FOXP2: variants seen among roughly 807,000 people sequenced by gnomAD.
FOXP2 encodes the protein forkhead box P2, also known as forkhead box protein P2.
Under a neutral mutation model 115.8 loss-of-function variants are expected in FOXP2, and 12 were observed. The observed-to-expected ratio is 0.10, with a 90% CI of 0.07 to 0.17. The LOEUF (loss-of-function observed/expected upper bound fraction) is 0.17. Ranked by LOEUF, FOXP2 falls within the 10% of genes least tolerant of loss-of-function variation. FOXP2 has a pLI of 1.00. For synonymous variants in FOXP2, 328 were observed against 297.7 expected, an observed-to-expected ratio of 1.10 and a Z score of -1.05; for missense variants, 629 against 843.5, an observed-to-expected ratio of 0.75 and a Z score of 3.15.
At chr7:114,313,933 C>T (rs1394231307) in intron 2 of FOXP2, among the ~76,000 whole-genome samples, 2 of 151,872 alleles carry the variant, frequency 1.3e-5, no homozygotes, top group Non-Finnish European at 2.9e-5. Flanking sequence ...TTTTTTCAAA[C>T]TGAAAGTCTG....
At chr7:114,324,230 C>G (rs914853518) in intron 2 of FOXP2, among the ~76,000 whole-genome samples, 14 of 151,558 alleles carry the variant, frequency 9.2e-5, no homozygotes, top group Admixed American at 3.9e-4. Flanking sequence ...CTTCTTTGAC[C>G]ATATCCCAGT....
Position 114,249,998 on chromosome 7 carries a change from TC to T in FOXP2, c.-101-38019del, listed in dbSNP as rs1044065682. Among the ~76,000 whole-genome samples, 8 of 140,050 alleles carry T rather than the reference TC, an allele frequency of 5.7e-5. No individual in the cohort carries two copies. The South Asian group carries it at 1.0e-3, about 18-fold the overall frequency. 91.9% of individuals were successfully genotyped at this position (140,050 alleles called of 152,430 possible). A position where few individuals can be genotyped will look rare whatever the true frequency, so the allele number is the denominator to read the frequency against. ...GGTGTGTGATGTTCCCCTTCCTGTG[TC>T]CAAGTGTTCTCATTGTTCAATTACC... is the stretch of plus-strand genomic sequence containing the variant. On this transcript the variant is annotated intron_variant, in intron 1 of 17. Coordinates refer to the FOXP2 transcript ENST00000634411.
rs142777354 is a variant in FOXP2, at chr7:114,493,715, C to G, written c.169-40902C>G. Among the ~76,000 whole-genome samples the G allele has an allele frequency of 3.2e-4, 48 of 152,064 alleles. No individual in the cohort carries two copies. The East Asian group carries it at 8.9e-3, about 28-fold the overall frequency. The stretch of plus-strand genomic sequence containing the variant: ...TCACATACACACACACTCTTACACA[C>G]AAGTGGATTTACTAAAGAAAACTGA... On this transcript the variant is annotated intron_variant, in intron 2 of 16. Transcript: ENST00000350908.
chr7:114,542,797 T>G (rs1420675628), intron 3 of FOXP2, among the ~76,000 whole-genome samples: 1 of 124,028 alleles, frequency 8.1e-6, no homozygotes, highest in African/African-American at 4.6e-5. Flanking sequence ...GTTTTTTGTT[T>G]TTTTTTTTTT....
intron 2 of FOXP2, among the ~76,000 whole-genome samples, chr7:114,490,489 T>C (rs1796988238): frequency 6.6e-6 from 1 of 152,034 alleles, no homozygotes; most frequent in Non-Finnish European, 1.5e-5. Context: ...TATACTCTAA[T>C]GGTGGATGCA....
chr7:114,190,453 A>G (rs891600836), intron 1 of FOXP2, among the ~76,000 whole-genome samples: 1 of 152,164 alleles, frequency 6.6e-6, no homozygotes, highest in Non-Finnish European at 1.5e-5. Context: ...GCCTTCAGAC[A>G]CAGCCTGGGA....
chr7:114,581,980 T>C (rs1009038113), intron 3 of FOXP2, among the ~76,000 whole-genome samples: 2 of 152,100 alleles, frequency 1.3e-5, no homozygotes, highest in African/African-American at 2.4e-5. Flanking sequence ...AGATTACAAA[T>C]AGTATACATT....
intron 2 of FOXP2, among the ~76,000 whole-genome samples, chr7:114,376,001 T>C (rs1194102334): frequency 6.6e-6 from 1 of 152,176 alleles, no homozygotes; most frequent in African/African-American, 2.4e-5. Flanking sequence ...TCTGTCAAAG[T>C]GGATCTGTTC....
At chr7:114,618,805 CT>C (rs1192876826) in intron 3 of FOXP2, among the ~76,000 whole-genome samples, 1 of 151,958 alleles carries the variant, frequency 6.6e-6, no homozygotes. Context: ...GATAATATGT[CT>C]TAGTATTCTA....
intron 1 of FOXP2, among the ~76,000 whole-genome samples, chr7:114,420,994 A>G (rs1457610735): frequency 6.6e-6 from 1 of 151,668 alleles, no homozygotes; most frequent in Non-Finnish European, 1.5e-5. Context: ...TAATTTTGAA[A>G]TATATTTTTG....
At position 114,644,708 on chromosome 7, in the gene FOXP2, C is replaced by A; in HGVS notation, c.1013C>A (p.Ala338Asp). Reference sequence around the variant, plus strand: ...AGCTCGTCACATGAGGAGACTGGGGCCTCTCACACTCTCTATGGCCATGGA... The same window carrying A: ...AGCTCGTCACATGAGGAGACTGGGGACTCTCACACTCTCTATGGCCATGGA... ...RDSSSHEETGASHTLYGHGVC... is the reference protein window; with the variant it reads ...RDSSSHEETGDSHTLYGHGVC... Residue 338 changes from alanine to aspartate, a missense_variant, in exon 8 of 17, where the codon GCC (alanine) becomes GAC (aspartate). Ala to Asp is a moderately radical substitution (Grantham distance 126, BLOSUM62 -2). This residue lies in a region of FOXP2 where 92 missense variants were observed against 80.1 expected (regional missense o/e 1.15). Transcript: ENST00000350908. 6.2e-7 allele frequency: 1 copy of A among 1,613,744 alleles called. No individual in the cohort carries two copies.
At chr7:114,358,945 A>C (rs1791679273) in intron 2 of FOXP2, among the ~76,000 whole-genome samples, 1 of 152,228 alleles carries the variant, frequency 6.6e-6, no homozygotes. Flanking sequence ...GAGGAATTCA[A>C]GCAGGCTGCA....
intron 1 of FOXP2, among the ~76,000 whole-genome samples, chr7:114,209,015 T>C (rs1347670804): frequency 6.6e-6 from 1 of 152,198 alleles, no homozygotes; most frequent in African/African-American, 2.4e-5. Context: ...TGGAATGATA[T>C]GGTTTGGCTG....
At chr7:114,293,800 CTG>C (rs1410075358) in intron 2 of FOXP2, among the ~76,000 whole-genome samples, 4 of 152,164 alleles carry the variant, frequency 2.6e-5, no homozygotes, top group African/African-American at 9.7e-5. Context: ...CCATGTGGAA[CTG>C]TGAGTCAATT....
intron 2 of FOXP2, among the ~76,000 whole-genome samples, chr7:114,441,087 T>C (rs1363749649): frequency 6.6e-6 from 1 of 152,186 alleles, no homozygotes; most frequent in Non-Finnish European, 1.5e-5. Flanking sequence ...TGTCCTGTTT[T>C]TTATCCATGT....
chr7:114,507,255 C>A (rs901777121), intron 2 of FOXP2, among the ~76,000 whole-genome samples: 1 of 151,796 alleles, frequency 6.6e-6, no homozygotes, highest in African/African-American at 2.4e-5. Context: ...TACCTGATTT[C>A]TTTCTTGTCA....
Position 114,663,531 on chromosome 7 carries a change from T to G in FOXP2, c.1839+12T>G, listed in dbSNP as rs373626923. The stretch of plus-strand genomic sequence containing the variant: ...ATGCCAGTTTGCAGGTAATGTACTT[T>G]CCCAGTTTTGTTGTATTTGAATGTT... On this transcript the variant is annotated intron_variant, in intron 15 of 16. Transcript: ENST00000350908. 4.4e-6 allele frequency: 7 copies of G among 1,604,780 alleles called. No individual in the cohort carries two copies. Among genetic ancestry groups the G allele is most frequent in the Non-Finnish European group, 6.0e-6 (7 of 1,172,590 alleles).
chr7:114,192,860 C>T (rs1026101361), intron 1 of FOXP2, among the ~76,000 whole-genome samples: 9 of 152,142 alleles, frequency 5.9e-5, no homozygotes, highest in South Asian at 2.1e-4. Flanking sequence ...GAATTCTCAA[C>T]ACCTTAGTAG....
intron 16 of FOXP2, among the ~76,000 whole-genome samples, chr7:114,688,208 TACACACACACACACACACACACACAC>T (rs56751704): frequency 8.7e-6 from 1 of 115,334 alleles, no homozygotes; most frequent in Non-Finnish European, 1.7e-5. Flanking sequence ...CATACATGCA[TACACACACACACACACACACACACAC>T]ACACACACAC....
Sources: allele counts gnomAD v4.1 joint callset (sites outside exome capture counted in the v4.1 genomes callset), GRCh38; gene constraint gnomAD v4.1.1; regional missense constraint gnomAD v4.1.1; transcripts MANE v1.5; gene names NCBI Gene and HGNC (gene_info 2026-07-23, HGNC 2026-07-21).